UPP2: variants seen among roughly 807,000 people sequenced by gnomAD.
UPP2 encodes the protein uridine phosphorylase 2, also known as UPase 2.
A neutral mutation model predicts 26.7 loss-of-function variants in UPP2; 23 were observed. That is an observed-to-expected ratio of 0.86 (90% confidence interval 0.62 to 1.22). The LOEUF (loss-of-function observed/expected upper bound fraction) is 1.22, where lower values mean the gene tolerates loss of function less well. Among genes scored for constraint, UPP2 ranks in the 50% most tolerant of loss-of-function variants. The probability of loss-of-function intolerance (pLI) is 0.00; values close to 1 mark genes in which losing one functional copy is unlikely to be tolerated. For missense variants in UPP2, 387 were observed against 396.7 expected, an observed-to-expected ratio of 0.98 and a Z score of 0.21; for synonymous variants, 127 against 141.3, an observed-to-expected ratio of 0.90 and a Z score of 0.72.
chr2:158,030,591 G>A (rs1048757205), intron 3 of UPP2, among the ~76,000 whole-genome samples: 1 of 152,180 alleles, frequency 6.6e-6, no homozygotes, highest in Non-Finnish European at 1.5e-5. Flanking sequence ...CAGGTGACAG[G>A]GTAGGGCATT....
intron 2 of UPP2, among the ~76,000 whole-genome samples, chr2:158,002,047 G>A (rs962652276): frequency 1.3e-5 from 2 of 151,610 alleles, no homozygotes; most frequent in African/African-American, 2.4e-5. Flanking sequence ...CTACGGGGGC[G>A]GGGGCTTCAC....
chr2:158,075,483 A>G (rs1201689588), intron 3 of UPP2, among the ~76,000 whole-genome samples: 1 of 152,020 alleles, frequency 6.6e-6, no homozygotes, highest in Non-Finnish European at 1.5e-5. Context: ...AATAATACCA[A>G]GCATCTTCTC....
chr2:158,080,645 C>T (rs956249572), intron 3 of UPP2, among the ~76,000 whole-genome samples: 1 of 152,196 alleles, frequency 6.6e-6, no homozygotes. Flanking sequence ...TCTTTCCCAG[C>T]TAGTCCAGTT....
At chr2:158,074,690 T>TACACACACACACACACACACACAC (rs56277459) in intron 3 of UPP2, among the ~76,000 whole-genome samples, 1 of 135,404 alleles carries the variant, frequency 7.4e-6, no homozygotes, top group Non-Finnish European at 1.6e-5. Context: ...AAGACCTTCA[T>TACACACACACACACACACACACAC]ACACACACAC....
At chr2:158,032,507 G>C (rs766896774) in intron 3 of UPP2, among the ~76,000 whole-genome samples, 1 of 152,104 alleles carries the variant, frequency 6.6e-6, no homozygotes, top group Non-Finnish European at 1.5e-5. Flanking sequence ...CATAGGACAG[G>C]GGAAATATTA....
chr2:158,035,445 C>T (rs1482712435), intron 3 of UPP2, among the ~76,000 whole-genome samples: 11 of 152,144 alleles, frequency 7.2e-5, no homozygotes, highest in African/African-American at 2.4e-4. Flanking sequence ...TGAGCCACCG[C>T]GCCCGGCCAA....
intron 3 of UPP2, among the ~76,000 whole-genome samples, chr2:158,035,130 G>A (rs904787227): frequency 6.6e-6 from 1 of 151,898 alleles, no homozygotes; most frequent in Non-Finnish European, 1.5e-5. Context: ...ATATAAGATG[G>A]GGTACCTCAG....
intron 6 of UPP2, among the ~76,000 whole-genome samples, chr2:158,128,310 T>C (rs1683735816): frequency 6.6e-6 from 1 of 152,216 alleles, no homozygotes; most frequent in African/African-American, 2.4e-5. Context: ...TGACTTTAAT[T>C]CCATGTTTAT....
intron 2 of UPP2, among the ~76,000 whole-genome samples, chr2:158,106,602 C>T (rs1166088084): frequency 6.6e-6 from 1 of 152,070 alleles, no homozygotes; most frequent in Non-Finnish European, 1.5e-5. Context: ...AATAACCCAA[C>T]AAAACTAACA....
In UPP2 at chr2:158,117,821, T is replaced by C. The variant is rs746951784; in HGVS notation, c.340-3T>C. On this transcript the variant is annotated splice_region_variant and splice_polypyrimidine_tract_variant and intron_variant, in intron 3 of 6. Coordinates refer to ENST00000005756, the MANE Select transcript of UPP2 (RefSeq NM_173355.4). ...TATGATGACTTTCTCTTTCTCTCAATAGCACGGCATGGGCATCCCCTCCAT... is the reference window on the plus strand; with the variant it reads ...TATGATGACTTTCTCTTTCTCTCAACAGCACGGCATGGGCATCCCCTCCAT... The C allele has an allele frequency of 1.2e-6, 2 of 1,603,164 alleles. No individual in the cohort carries two copies. The highest frequency in any genetic ancestry group is 1.1e-5 in the South Asian group (1 of 90,872).
intron 3 of UPP2, among the ~76,000 whole-genome samples, chr2:158,041,899 A>T (rs1284517625): frequency 6.6e-6 from 1 of 152,232 alleles, no homozygotes. Context: ...TCATATTTCA[A>T]ATGCCCTTGG....
At chr2:158,134,725 A>T in intron 6 of UPP2, 23 bp from the exon 7 acceptor site, 1 of 1,579,164 alleles carries the variant, frequency 6.3e-7, no homozygotes, top group African/African-American at 1.4e-5. Context: ...TCATTCCATC[A>T]GTTGTGCTAA....
intron 3 of UPP2, among the ~76,000 whole-genome samples, chr2:158,036,745 T>C (rs550557259): frequency 6.6e-6 from 1 of 152,296 alleles, no homozygotes; most frequent in African/African-American, 2.4e-5. Flanking sequence ...TCTCAACATG[T>C]CAGTTATCTG....
rs536350122 is a variant in UPP2, at chr2:158,026,586, G to A, written c.147+10700G>A. Among the ~76,000 whole-genome samples the A allele has an allele frequency of 4.6e-5, 7 of 152,250 alleles. No individual in the cohort carries two copies. The South Asian group carries it at 6.2e-4, about 14-fold the overall frequency. ...GAGAGGGGATACTTCATAAGTCACC[G>A]CCTTGGCAAGACTCTTTTTCCATGA... On this transcript the variant is annotated intron_variant, in intron 3 of 9. Coordinates refer to the UPP2 transcript ENST00000605860.
intron 6 of UPP2, chr2:158,133,886 G>T (rs757715056): frequency 6.6e-6 from 1 of 152,146 alleles, no homozygotes; most frequent in Non-Finnish European, 1.5e-5. Flanking sequence ...TACACCGTTA[G>T]CAATTCAAAG....
At chr2:158,071,349 A>C (rs7567609) in intron 3 of UPP2, among the ~76,000 whole-genome samples, 31 of 151,178 alleles carry the variant, frequency 2.1e-4, no homozygotes, top group Admixed American at 1.1e-3. Flanking sequence ...TCAGGAGTAC[A>C]AGACCAGCCT....
chr2:157,998,883 G>A (rs994082096), intron 2 of UPP2, among the ~76,000 whole-genome samples: 2 of 152,034 alleles, frequency 1.3e-5, no homozygotes, highest in African/African-American at 4.8e-5. Flanking sequence ...AACAAATCTG[G>A]GGAAATTTCA....
intron 3 of UPP2, among the ~76,000 whole-genome samples, chr2:158,081,998 A>G (rs1255347761): frequency 6.6e-6 from 1 of 150,970 alleles, no homozygotes; most frequent in Non-Finnish European, 1.5e-5. Flanking sequence ...TCCAAGCTGG[A>G]GTGCAGTGGC....
intron 6 of UPP2, among the ~76,000 whole-genome samples, chr2:158,131,041 G>T (rs1683808015): frequency 6.6e-6 from 1 of 152,186 alleles, no homozygotes; most frequent in African/African-American, 2.4e-5. Context: ...TTTCAGCGGA[G>T]ATACAGGAAG....
Sources: gnomAD v4.1 joint callset for allele counts (sites outside exome capture counted in the v4.1 genomes callset) on GRCh38, gnomAD v4.1.1 for gene constraint, MANE v1.5 for transcripts, NCBI Gene and HGNC (gene_info 2026-07-23, HGNC 2026-07-21) for gene names.